SGCE: variants seen among roughly 807,000 people sequenced by gnomAD.
SGCE encodes epsilon-sarcoglycan.
In SGCE, 26 loss-of-function variants were observed where a neutral mutation model predicts 57.8. The observed-to-expected ratio is 0.45, with a 90% CI of 0.33 to 0.62. The LOEUF (loss-of-function observed/expected upper bound fraction) is 0.62. Among genes scored for constraint, SGCE ranks in the 20% least tolerant of loss-of-function variants. The pLI, the probability that SGCE is intolerant of heterozygous loss-of-function variation, is 0.02. For missense variants in SGCE, 468 were observed against 548.6 expected, an observed-to-expected ratio of 0.85 and a Z score of 1.47; for synonymous variants, 183 against 189.5, an observed-to-expected ratio of 0.97 and a Z score of 0.28.
intron 1 of SGCE, chr7:94,644,762 T>G: frequency 2.4e-6 from 1 of 415,638 alleles, no homozygotes; most frequent in Non-Finnish European, 4.5e-6. Context: ...CCATCCAAGT[T>G]GTTACGCTGC....
At chr7:94,614,437 A>G (rs927162081) in intron 5 of SGCE, among the ~76,000 whole-genome samples, 2 of 152,228 alleles carry the variant, frequency 1.3e-5, no homozygotes, top group African/African-American at 2.4e-5. Flanking sequence ...TGAAATCCAA[A>G]TAACTTTTCC....
chr7:94,629,947 T>C (rs912007846), intron 1 of SGCE, 106 bp from the exon 2 acceptor site: 43 of 1,335,950 alleles, frequency 3.2e-5, no homozygotes, highest in Non-Finnish European at 4.1e-5. Flanking sequence ...TATGTAGACA[T>C]TTCTGGAAAA....
intron 1 of SGCE, among the ~76,000 whole-genome samples, chr7:94,638,266 G>GTA (rs1286215616): frequency 2.6e-5 from 4 of 152,140 alleles, no homozygotes; most frequent in Non-Finnish European, 5.9e-5. Flanking sequence ...AAATACACAG[G>GTA]TATTTGTAGG....
intron 3 of SGCE, chr7:94,626,635 T>C (rs1407212358): frequency 2.6e-5 from 4 of 152,030 alleles, no homozygotes; most frequent in Non-Finnish European, 5.9e-5. Flanking sequence ...ATTTATATCA[T>C]TGATGGTTTC....
chr7:94,640,716 C>T (rs780204121), intron 1 of SGCE, among the ~76,000 whole-genome samples: 95 of 152,160 alleles, frequency 6.2e-4, no homozygotes, highest in African/African-American at 2.2e-3. Flanking sequence ...GGCGTGATCT[C>T]GGCTCACTGC....
At position 94,623,315 on chromosome 7, in the gene SGCE, T is replaced by C; in HGVS notation, c.463+10A>G. 6.6e-7 allele frequency: 1 copy of C among 1,522,230 alleles called. No homozygotes were observed. 94.3% of individuals were successfully genotyped at this position (1,522,230 alleles called of 1,614,324 possible). A position where few individuals can be genotyped will look rare whatever the true frequency, so the allele number is the denominator to read the frequency against. On this transcript the variant is annotated intron_variant, in intron 4 of 10. Coordinates refer to ENST00000648936, the MANE Select transcript of SGCE (RefSeq NM_003919.3). The stretch of plus-strand genomic sequence containing the variant: ...TAAATAAGAAATGATCAACATATTT[T>C]CATACCTACCTTCTGCAGACATTAT...
At chr7:94,655,227 C>G (rs1276139421) in intron 1 of SGCE, among the ~76,000 whole-genome samples, 2 of 152,186 alleles carry the variant, frequency 1.3e-5, no homozygotes, top group Non-Finnish European at 2.9e-5. Context: ...CACCAAAAGT[C>G]GGTAGCTGGG....
intron 1 of SGCE, among the ~76,000 whole-genome samples, chr7:94,631,605 T>C (rs1174807151): frequency 1.3e-5 from 2 of 151,930 alleles, no homozygotes; most frequent in Non-Finnish European, 2.9e-5. Context: ...ATTTCAGCAT[T>C]TCACAGTGAA....
rs71123905 is a variant in SGCE, at chr7:94,601,443, C to CAAAAAAAAAAAAAAA, written c.826-601_826-587dup. 6.5e-4 allele frequency among the ~76,000 whole-genome samples: 58 copies of CAAAAAAAAAAAAAAA among 89,300 alleles called. 6 individuals are homozygous for CAAAAAAAAAAAAAAA. Among genetic ancestry groups the CAAAAAAAAAAAAAAA allele is most frequent in the East Asian group, 8.3e-4 (2 of 2,412 alleles). The allele number at this position is 89,300 out of a possible 152,430, so 58.6% of individuals were successfully genotyped here. On this transcript the variant is annotated intron_variant, in intron 6 of 10. Coordinates refer to ENST00000648936, the MANE Select transcript of SGCE (RefSeq NM_003919.3). ...GTCTTACTTAATTCTATCCCAGTAT[C>CAAAAAAAAAAAAAAA]AAAAAAAAAAAAAAAAAAAAAAAAA...
In SGCE at chr7:94,601,765, A is replaced by C. The variant is rs74598780; in HGVS notation, c.826-908T>G. On this transcript the variant is annotated intron_variant, in intron 6 of 10. Coordinates refer to ENST00000648936, the MANE Select transcript of SGCE (RefSeq NM_003919.3). ...ATGTGCCTCCTTTTTAAAAATGAGAACTAAATATGAATTTCATTTATTTTT... is the reference window on the plus strand; with the variant it reads ...ATGTGCCTCCTTTTTAAAAATGAGACCTAAATATGAATTTCATTTATTTTT... Among the ~76,000 whole-genome samples the C allele has an allele frequency of 2.7e-3, 405 of 152,194 alleles. 1 individual carries two copies. Among genetic ancestry groups the C allele is most frequent in the Non-Finnish European group, 5.0e-3 (339 of 68,010 alleles).
intron 6 of SGCE, 72 bp from the exon 7 acceptor site, chr7:94,600,929 C>G: frequency 8.1e-7 from 1 of 1,231,248 alleles, no homozygotes; most frequent in Non-Finnish European, 1.2e-6. Context: ...GATCTGGATA[C>G]ACTAAAGCAT....
At chr7:94,645,968 T>G (rs1222171306) in intron 1 of SGCE, among the ~76,000 whole-genome samples, 1 of 152,136 alleles carries the variant, frequency 6.6e-6, no homozygotes, top group African/African-American at 2.4e-5. Flanking sequence ...TCCACAATCA[T>G]GACACATATG....
intron 5 of SGCE, among the ~76,000 whole-genome samples, chr7:94,610,433 G>C (rs982034090): frequency 2.6e-5 from 4 of 151,760 alleles, no homozygotes; most frequent in African/African-American, 9.7e-5. Flanking sequence ...TGTTGATAAT[G>C]GGGGAGGCGA....
rs370622095 is a variant in SGCE, at chr7:94,603,574, G to A, written c.663-122C>T. 40 of 866,046 alleles carry A rather than the reference G, an allele frequency of 4.6e-5. No homozygotes were observed. In the African/African-American group the frequency reaches 5.6e-4, roughly 12 times the overall value. The allele number at this position is 866,046 out of a possible 1,614,324, so 53.6% of individuals were successfully genotyped here. A position where few individuals can be genotyped will look rare whatever the true frequency, so the allele number is the denominator to read the frequency against. Reference sequence around the variant, plus strand: ...GAGATTAACTAGACTCATCCCTGAGGTAGGGGCCTCGGCTCTAAAAACAAT... The same window carrying A: ...GAGATTAACTAGACTCATCCCTGAGATAGGGGCCTCGGCTCTAAAAACAAT... On this transcript the variant is annotated intron_variant, in intron 5 of 10. Coordinates refer to ENST00000648936, the MANE Select transcript of SGCE (RefSeq NM_003919.3).
At chr7:94,640,255 T>G (rs1806191742) in intron 1 of SGCE, among the ~76,000 whole-genome samples, 1 of 152,130 alleles carries the variant, frequency 6.6e-6, no homozygotes, top group African/African-American at 2.4e-5. Flanking sequence ...AAGAAGATAA[T>G]GTAATGGGGC....
Position 94,620,400 on chromosome 7 carries a change from TAG to T in SGCE, c.464-1446_464-1445del, listed in dbSNP as rs568221947. 638 of 152,310 alleles carry T rather than the reference TAG, an allele frequency of 4.2e-3. 3 individuals are homozygous for T. The highest frequency in any genetic ancestry group is 0.014 in the African/African-American group (569 of 41,584). 9.4% of individuals were successfully genotyped at this position (152,310 alleles called of 1,614,324 possible). ...AATTTTGTTAGATTTCCTTAATGTA[TAG>T]CCCATCTGCAATTTAAAATATATTT... is the stretch of plus-strand genomic sequence containing the variant. On this transcript the variant is annotated intron_variant, in intron 4 of 10. Coordinates refer to ENST00000648936, the MANE Select transcript of SGCE (RefSeq NM_003919.3).
intron 5 of SGCE, among the ~76,000 whole-genome samples, chr7:94,608,856 A>C (rs1358883447): frequency 6.6e-6 from 1 of 152,220 alleles, no homozygotes; most frequent in East Asian, 1.9e-4. Flanking sequence ...TGTTGAAAAA[A>C]CTAGACTTAT....
At chr7:94,595,529 T>G (rs555529118) in intron 9 of SGCE, among the ~76,000 whole-genome samples, 1 of 152,224 alleles carries the variant, frequency 6.6e-6, no homozygotes, top group East Asian at 1.9e-4. Flanking sequence ...GGTAAATTAA[T>G]AAGTACAAGA....
At chr7:94,639,505 A>G in intron 1 of SGCE, 2 of 1,052,944 alleles carry the variant, frequency 1.9e-6, no homozygotes, top group Non-Finnish European at 2.8e-6. Context: ...GATTTTTTAA[A>G]ATGACTGTCA....
Sources: allele counts gnomAD v4.1 joint callset (sites outside exome capture counted in the v4.1 genomes callset), GRCh38; gene constraint gnomAD v4.1.1; transcripts MANE v1.5; gene names NCBI Gene and HGNC (gene_info 2026-07-23, HGNC 2026-07-21).